The following MEF2C variants were observed in gnomAD, a reference collection of about 807,000 sequenced individuals.
The protein encoded by MEF2C is myocyte-specific enhancer factor 2C.
In MEF2C, 6 loss-of-function variants were observed where a neutral mutation model predicts 50.5. The observed-to-expected ratio is 0.12, with a 90% CI of 0.07 to 0.23. The LOEUF is 0.23. MEF2C is among the 10% of genes least tolerant of loss of function. The pLI is 1.00. For missense variants in MEF2C, 276 were observed against 605.0 expected (o/e 0.46, Z 5.70); for synonymous variants, 183 against 228.0 (o/e 0.80, Z 1.78).
At position 88,749,067 on chromosome 5, in the gene MEF2C, T is replaced by C; in HGVS notation, c.637+3A>G. Reference sequence around the variant, plus strand: ...CATACTGCAGTATGGAGTCTGGGCTTACCTGCACTGGTGCCTGCACCAGAC... The same window carrying C: ...CATACTGCAGTATGGAGTCTGGGCTCACCTGCACTGGTGCCTGCACCAGAC... On this transcript the variant is annotated splice_donor_region_variant and intron_variant, in intron 6 of 10. Coordinates refer to ENST00000504921, the MANE Select transcript of MEF2C (RefSeq NM_002397.5). The C allele has an allele frequency of 6.4e-7, 1 of 1,571,480 alleles. No individual in the cohort carries two copies. Among genetic ancestry groups the C allele is most frequent in the East Asian group, 2.3e-5 (1 of 42,800 alleles).
rs1346694765 is a variant in MEF2C at position 88,901,760 on chromosome 5, C to T, written c.-240+2156G>A. On this transcript the variant is annotated intron_variant, in intron 1 of 11. Transcript: ENST00000340208. ...AATGTTGAAGATTTATTAGAAAGGACAAACATAGCTGCATGGTGGACAAGA... is the reference window on the plus strand; with the variant it reads ...AATGTTGAAGATTTATTAGAAAGGATAAACATAGCTGCATGGTGGACAAGA... 3.3e-5 allele frequency among the ~76,000 whole-genome samples: 5 copies of T among 151,854 alleles called. No homozygotes were observed. The East Asian group carries it at 9.6e-4, about 29-fold the overall frequency.
intron 1 of MEF2C, chr5:88,881,139 C>A (rs559740503): frequency 6.6e-6 from 1 of 151,982 alleles, no homozygotes; most frequent in Non-Finnish European, 1.5e-5. Flanking sequence ...GTCTCTTTGA[C>A]GGGAGAACCA....
intron 3 of MEF2C, among the ~76,000 whole-genome samples, chr5:88,764,681 G>A (rs1199828408): frequency 6.6e-6 from 1 of 151,808 alleles, no homozygotes; most frequent in Non-Finnish European, 1.5e-5. Context: ...GGTGGCGCAC[G>A]CCTGTAATTG....
chr5:88,740,699 A>T, intron 6 of MEF2C: 1 of 984,996 alleles, frequency 1.0e-6, no homozygotes, highest in East Asian at 1.1e-4. Context: ...AAACCCAAAT[A>T]TCATTCTCCT....
At chr5:88,863,380 G>A (rs948761268) in intron 1 of MEF2C, among the ~76,000 whole-genome samples, 4 of 152,190 alleles carry the variant, frequency 2.6e-5, no homozygotes, top group African/African-American at 7.2e-5. Flanking sequence ...TACAGTTGAC[G>A]TCCAAGAAGT....
upstream of MEF2C, among the ~76,000 whole-genome samples, chr5:88,884,139 T>G (rs1463089416): frequency 6.6e-6 from 1 of 152,228 alleles, no homozygotes; most frequent in South Asian, 2.1e-4. Context: ...AGTCTCCCGC[T>G]GCGGCGCGCT....
intron 4 of MEF2C, 105 bp downstream of exon 4, chr5:88,761,080 C>A (rs924603959): frequency 1.4e-5 from 23 of 1,613,896 alleles, no homozygotes; most frequent in Non-Finnish European, 1.9e-5. Context: ...TAAGAGGAGT[C>A]GGGATCGGGG....
intron 1 of MEF2C, among the ~76,000 whole-genome samples, chr5:88,828,645 C>A (rs1000690199): frequency 1.3e-5 from 2 of 151,954 alleles, no homozygotes; most frequent in African/African-American, 2.4e-5. Flanking sequence ...GATTCATTAT[C>A]TTTTTAAGTG....
intron 3 of MEF2C, among the ~76,000 whole-genome samples, chr5:88,802,735 C>T (rs1176752823): frequency 6.6e-6 from 1 of 152,158 alleles, no homozygotes; most frequent in Non-Finnish European, 1.5e-5. Context: ...AGGTGTGAGC[C>T]ACCACACCTG....
At chr5:88,807,909 C>G (rs1801199951) in intron 2 of MEF2C, among the ~76,000 whole-genome samples, 1 of 152,172 alleles carries the variant, frequency 6.6e-6, no homozygotes, top group South Asian at 2.1e-4. Context: ...TACATTTCAA[C>G]TTGGATAATT....
intron 6 of MEF2C, chr5:88,742,594 T>A: frequency 1.0e-6 from 1 of 985,014 alleles, no homozygotes; most frequent in Non-Finnish European, 1.2e-6. Context: ...AAACACTCTC[T>A]AGGAAGTTAT....
In MEF2C at chr5:88,719,563, T is replaced by C. The variant is rs1412688472; in HGVS notation, c.*3041A>G. 3 of 152,220 alleles carry C rather than the reference T, an allele frequency of 2.0e-5. No individual in the cohort carries two copies. Among genetic ancestry groups the C allele is most frequent in the Non-Finnish European group, 2.9e-5 (2 of 68,024 alleles). 9.4% of individuals were successfully genotyped at this position (152,220 alleles called of 1,614,324 possible). A position where few individuals can be genotyped will look rare whatever the true frequency, so the allele number is the denominator to read the frequency against. The stretch of plus-strand genomic sequence containing the variant: ...CCTAAAATGTTACTCTAGGACGGGT[T>C]ATGTAAAATAATACTCCCTCAGGGC... On this transcript the variant is annotated 3_prime_UTR_variant, in exon 11 of 11. Coordinates refer to ENST00000504921, the MANE Select transcript of MEF2C (RefSeq NM_002397.5).
rs184138105 is a variant in MEF2C at position 88,813,969 on chromosome 5, T to A, written c.55-9168A>T. Among the ~76,000 whole-genome samples, 23 of 152,156 alleles carry A rather than the reference T, an allele frequency of 1.5e-4. No individual in the cohort carries two copies. The East Asian group carries it at 4.3e-3, about 28-fold the overall frequency. ...ACTCCACCTCATCCCCCCACCTAGATAATCTCTCAGTTTCCTCCCAGTTGA... is the reference window on the plus strand; with the variant it reads ...ACTCCACCTCATCCCCCCACCTAGAAAATCTCTCAGTTTCCTCCCAGTTGA... On this transcript the variant is annotated intron_variant, in intron 2 of 10. Transcript: ENST00000504921.
chr5:88,806,007 G>A (rs1800289438), intron 2 of MEF2C, among the ~76,000 whole-genome samples: 1 of 151,406 alleles, frequency 6.6e-6, no homozygotes, highest in Admixed American at 6.6e-5. Context: ...TGGAAAAAGA[G>A]GCACATTGGT....
chr5:88,777,066 T>C (rs1785132686), intron 3 of MEF2C, among the ~76,000 whole-genome samples: 1 of 152,246 alleles, frequency 6.6e-6, no homozygotes, highest in Non-Finnish European at 1.5e-5. Flanking sequence ...CTTGACTTTT[T>C]AAATTAGGTA....
chr5:88,796,540 G>A (rs1450267368), intron 3 of MEF2C, among the ~76,000 whole-genome samples: 1 of 151,782 alleles, frequency 6.6e-6, no homozygotes, highest in Non-Finnish European at 1.5e-5. Context: ...TTTTTATTAA[G>A]TCTGGCTAGC....
At chr5:88,730,158 A>C in intron 8 of MEF2C, 53 bp downstream of exon 8, 1 of 1,548,994 alleles carries the variant, frequency 6.5e-7, no homozygotes. Flanking sequence ...TACCACCTCT[A>C]CCTAAAAGTA....
intron 3 of MEF2C, among the ~76,000 whole-genome samples, chr5:88,763,107 ATATT>A (rs1230771967): frequency 6.6e-6 from 1 of 152,236 alleles, no homozygotes; most frequent in Admixed American, 6.5e-5. Context: ...GGCTCTGTAA[ATATT>A]TATTAATGTT....
At chr5:88,865,965 G>A (rs1324890312) in intron 1 of MEF2C, among the ~76,000 whole-genome samples, 3 of 150,376 alleles carry the variant, frequency 2.0e-5, no homozygotes, top group African/African-American at 7.4e-5. Flanking sequence ...ACTCTATCTC[G>A]GCTCACTGCA....
Sources: gnomAD v4.1 joint callset for allele counts (sites outside exome capture counted in the v4.1 genomes callset) on GRCh38, gnomAD v4.1.1 for gene constraint, MANE v1.5 for transcripts, NCBI Gene and HGNC (gene_info 2026-07-23, HGNC 2026-07-21) for gene names.